The following MYRIP variants were observed in gnomAD, a reference collection of about 807,000 sequenced individuals.
The protein encoded by MYRIP is myosin VIIA and Rab interacting protein.
A neutral mutation model predicts 98.0 loss-of-function variants in MYRIP; 49 were observed. That is an observed-to-expected ratio of 0.50 (90% confidence interval 0.40 to 0.63). MYRIP has a LOEUF of 0.63. Ranked by LOEUF, MYRIP falls within the 30% of genes least tolerant of loss-of-function variation. The pLI is 0.00. For synonymous variants in MYRIP, 404 were observed against 409.5 expected, an observed-to-expected ratio of 0.99 and a Z score of 0.16; for missense variants, 1,004 against 1,058.2, an observed-to-expected ratio of 0.95 and a Z score of 0.71.
At chr3:39,979,159 T>G (rs1200625079) in intron 2 of MYRIP, among the ~76,000 whole-genome samples, 1 of 152,158 alleles carries the variant, frequency 6.6e-6, no homozygotes, top group African/African-American at 2.4e-5. Context: ...TTGTTTTGTT[T>G]GTCTGTTTTT....
intron 3 of MYRIP, among the ~76,000 whole-genome samples, chr3:40,126,854 T>C (rs1450810041): frequency 2.0e-5 from 3 of 152,232 alleles, no homozygotes; most frequent in African/African-American, 7.2e-5. Flanking sequence ...CCCTGGGGCC[T>C]ATCCTCAATG....
intron 2 of MYRIP, among the ~76,000 whole-genome samples, chr3:39,902,735 CTG>C (rs1455485830): frequency 6.6e-6 from 1 of 152,224 alleles, no homozygotes; most frequent in Non-Finnish European, 1.5e-5. Context: ...CCTTTTCTGA[CTG>C]TGGAGACTTG....
chr3:39,977,215 C>G (rs551266323), intron 2 of MYRIP, among the ~76,000 whole-genome samples: 1 of 151,950 alleles, frequency 6.6e-6, no homozygotes, highest in East Asian at 1.9e-4. Context: ...ACACTATAGA[C>G]GTGAGAGAGG....
intron 2 of MYRIP, among the ~76,000 whole-genome samples, chr3:39,921,881 CAAAAAAAAA>C (rs34179419): frequency 2.6e-5 from 2 of 75,906 alleles, no homozygotes; most frequent in Non-Finnish European, 5.1e-5. Context: ...GACTCCGTCT[CAAAAAAAAA>C]AAAAAAAAAA....
intron 3 of MYRIP, among the ~76,000 whole-genome samples, chr3:40,073,299 A>C (rs1165462092): frequency 6.6e-6 from 1 of 152,166 alleles, no homozygotes; most frequent in African/African-American, 2.4e-5. Context: ...ATAAGAGTAC[A>C]CTCCAAGAGA....
chr3:39,897,285 A>G (rs1283101036), intron 1 of MYRIP, among the ~76,000 whole-genome samples: 1 of 152,222 alleles, frequency 6.6e-6, no homozygotes, highest in Non-Finnish European at 1.5e-5. Context: ...AGAAGCTAAT[A>G]TGTCTTGTGT....
chr3:40,069,084 A>G (rs546194701), intron 3 of MYRIP, among the ~76,000 whole-genome samples: 2 of 152,304 alleles, frequency 1.3e-5, no homozygotes, highest in East Asian at 3.9e-4. Flanking sequence ...GTTTCTAAAT[A>G]AATGAGTAGA....
chr3:39,989,615 G>A (rs28719871), intron 2 of MYRIP, among the ~76,000 whole-genome samples: 13,526 of 152,262 alleles, frequency 0.089, 1,439 homozygotes, highest in African/African-American at 0.25. Flanking sequence ...GAACTAGCAG[G>A]AGGAAAGAAT....
chr3:39,938,830 G>A (rs1944716436), intron 2 of MYRIP, among the ~76,000 whole-genome samples: 1 of 152,074 alleles, frequency 6.6e-6, no homozygotes, highest in Non-Finnish European at 1.5e-5. Flanking sequence ...TAGCCATTCT[G>A]ATGGTGCTAA....
At chr3:40,158,126 G>T (rs960436435) in intron 4 of MYRIP, among the ~76,000 whole-genome samples, 8 of 151,348 alleles carry the variant, frequency 5.3e-5, no homozygotes, top group Non-Finnish European at 1.2e-4. Context: ...TTCTCTTGTG[G>T]GCATTTAGTG....
chr3:40,018,107 T>C (rs1319255661), intron 2 of MYRIP, among the ~76,000 whole-genome samples: 1 of 152,226 alleles, frequency 6.6e-6, no homozygotes. Context: ...TGTCCCTCTT[T>C]TGGAGGCACC....
At chr3:39,934,833 C>T (rs552916840) in intron 2 of MYRIP, among the ~76,000 whole-genome samples, 1 of 152,270 alleles carries the variant, frequency 6.6e-6, no homozygotes, top group African/African-American at 2.4e-5. Context: ...AAGGCTTTGT[C>T]TCTTAGACTG....
chr3:40,218,196 A>G (rs1403720231), intron 11 of MYRIP, among the ~76,000 whole-genome samples: 6 of 151,858 alleles, frequency 4.0e-5, no homozygotes, highest in African/African-American at 1.5e-4. Flanking sequence ...AAAAACATTC[A>G]TGATCACCAA....
chr3:39,863,306 G>C (rs1942525189), intron 1 of MYRIP, among the ~76,000 whole-genome samples: 1 of 151,780 alleles, frequency 6.6e-6, no homozygotes, highest in African/African-American at 2.4e-5. Flanking sequence ...AACAAAATGA[G>C]AGCTGAACTA....
chr3:40,142,863 C>G (rs979196582), intron 3 of MYRIP, among the ~76,000 whole-genome samples: 1 of 152,232 alleles, frequency 6.6e-6, no homozygotes, highest in African/African-American at 2.4e-5. Flanking sequence ...ACCAGGAGAG[C>G]ATCTCTCTTT....
At chr3:40,227,378 T>C (rs1180876248) in intron 11 of MYRIP, among the ~76,000 whole-genome samples, 2 of 151,968 alleles carry the variant, frequency 1.3e-5, no homozygotes, top group East Asian at 3.9e-4. Flanking sequence ...AACAGAATAA[T>C]GGAAATGTAC....
chr3:39,814,840 T>C (rs1462893348), intron 1 of MYRIP, among the ~76,000 whole-genome samples: 1 of 152,220 alleles, frequency 6.6e-6, no homozygotes, highest in Non-Finnish European at 1.5e-5. Context: ...TAAAGGTTAA[T>C]TAGAGGAGAC....
rs141251815 is a variant in MYRIP, at chr3:39,841,209, C to A, written c.-31+31293C>A. 1.8e-4 allele frequency among the ~76,000 whole-genome samples: 28 copies of A among 152,090 alleles called. No individual in the cohort carries two copies. The East Asian group carries it at 5.2e-3, about 28-fold the overall frequency. ...TCATGGTTTATTTCATTAAGTTGAT[C>A]TTCAATCGCTGATATCTTTTCTTCT... On this transcript the variant is annotated intron_variant, in intron 1 of 16. Transcript: ENST00000302541.
chr3:39,866,024 C>A (rs1015679122), intron 1 of MYRIP, among the ~76,000 whole-genome samples: 5 of 152,048 alleles, frequency 3.3e-5, no homozygotes, highest in Non-Finnish European at 7.4e-5. Flanking sequence ...TCCTTTGTAG[C>A]AACATCAGTG....
Sources: gnomAD v4.1 joint callset for allele counts (sites outside exome capture counted in the v4.1 genomes callset) on GRCh38, gnomAD v4.1.1 for gene constraint, MANE v1.5 for transcripts, NCBI Gene and HGNC (gene_info 2026-07-23, HGNC 2026-07-21) for gene names.